The following PCDH11X variants were observed in gnomAD, a reference collection of about 807,000 sequenced individuals.
PCDH11X encodes the protein protocadherin 11 X-linked, also known as protocadherin-11 X-linked.
A neutral mutation model predicts 53.3 loss-of-function variants in PCDH11X; 18 were observed. The observed-to-expected ratio is 0.34, with a 90% CI of 0.23 to 0.50. The LOEUF is 0.50. PCDH11X is among the 20% of genes least tolerant of loss of function. PCDH11X has a pLI of 0.98. For synonymous variants in PCDH11X, 279 were observed against 393.3 expected, an observed-to-expected ratio of 0.71 and a Z score of 3.44; for missense variants, 570 against 1,032.4, an observed-to-expected ratio of 0.55 and a Z score of 6.14.
intron 9 of PCDH11X, among the ~76,000 whole-genome samples, chrX:92,466,103 G>T (rs1015392266): frequency 3.6e-5 from 4 of 110,939 alleles, no homozygotes; most frequent in African/African-American, 1.3e-4. Context: ...TGTGAGATAT[G>T]TTCATCTTCC....
chrX:92,137,673 G>C (rs2065104923), intron 6 of PCDH11X, among the ~76,000 whole-genome samples: 1 of 109,737 alleles, frequency 9.1e-6, no homozygotes, highest in Non-Finnish European at 1.9e-5. Context: ...CACCATACCT[G>C]TTAAAAGTCA....
At chrX:92,037,900 GTT>G (rs796494289) in intron 6 of PCDH11X, among the ~76,000 whole-genome samples, 3,419 of 88,542 alleles carry the variant, frequency 0.039, 168 homozygotes, top group African/African-American at 0.13. Context: ...TTATTTGTGG[GTT>G]TTTTTTTTTT....
intron 7 of PCDH11X, among the ~76,000 whole-genome samples, chrX:92,234,455 C>T (rs2067135539): frequency 8.9e-6 from 1 of 111,811 alleles, no homozygotes; most frequent in African/African-American, 3.2e-5. Context: ...ACTTTTGAAA[C>T]CAGACATATC....
chrX:92,108,952 C>A (rs192346884), intron 6 of PCDH11X, among the ~76,000 whole-genome samples: 3 of 111,741 alleles, frequency 2.7e-5, no homozygotes, highest in Admixed American at 9.6e-5. Context: ...TAGACAGAGA[C>A]GATTTATTAA....
At chrX:92,406,946 A>AT (rs1288704896) in intron 9 of PCDH11X, among the ~76,000 whole-genome samples, 1 of 100,528 alleles carries the variant, frequency 9.9e-6, no homozygotes, top group East Asian at 3.3e-4. Context: ...AAAAAAAAAA[A>AT]AAAGGAAAAA....
intron 6 of PCDH11X, among the ~76,000 whole-genome samples, chrX:92,006,002 T>G (rs974100534): frequency 2.7e-5 from 3 of 112,097 alleles, no homozygotes; most frequent in Non-Finnish European, 5.6e-5. Context: ...GTATGACATG[T>G]GTTGCTTTTC....
chrX:92,470,267 T>G (rs1212886251), intron 10 of PCDH11X, among the ~76,000 whole-genome samples: 2 of 99,320 alleles, frequency 2.0e-5, no homozygotes, highest in Middle Eastern at 5.1e-3. Context: ...GTTTTCTTTT[T>G]CTGATATGTT....
chrX:92,099,956 C>T (rs2064209117), intron 6 of PCDH11X, among the ~76,000 whole-genome samples: 2 of 110,819 alleles, frequency 1.8e-5, no homozygotes, highest in African/African-American at 6.6e-5. Context: ...TGGCTGCACT[C>T]CATATATTAA....
intron 6 of PCDH11X, among the ~76,000 whole-genome samples, chrX:92,076,260 A>G (rs1218615860): frequency 2.8e-5 from 3 of 108,298 alleles, no homozygotes; most frequent in Non-Finnish European, 5.7e-5. Context: ...TTTTACTTGA[A>G]TTCTTTTTAT....
rs762256183 is a variant in PCDH11X, at chrX:92,541,478, C to T, written c.3367+73156C>T. Among the ~76,000 whole-genome samples the T allele has an allele frequency of 9.2e-3, 1,027 of 111,209 alleles. 9 individuals carry two copies. The highest frequency in any genetic ancestry group is 0.032 in the African/African-American group (977 of 30,671). On this transcript the variant is annotated intron_variant, in intron 10 of 10. Transcript: ENST00000682573. Reference sequence around the variant, plus strand: ...GTTTCTCCTATCCTTTTTAATGCCTCTTTCAGTGATATGAATTTAAACCAT... The same window carrying T: ...GTTTCTCCTATCCTTTTTAATGCCTTTTTCAGTGATATGAATTTAAACCAT...
chrX:92,162,195 T>C (rs1318734013), intron 6 of PCDH11X, among the ~76,000 whole-genome samples: 1 of 104,458 alleles, frequency 9.6e-6, no homozygotes, highest in African/African-American at 3.5e-5. Context: ...GTTTAGATTT[T>C]TTTTTTTTTT....
At chrX:92,103,787 G>C (rs2064314862) in intron 6 of PCDH11X, among the ~76,000 whole-genome samples, 1 of 112,128 alleles carries the variant, frequency 8.9e-6, no homozygotes, top group African/African-American at 3.2e-5. Context: ...GATGTGGCTG[G>C]GGTTTGTCTC....
At chrX:92,412,393 G>C (rs772366616) in intron 9 of PCDH11X, among the ~76,000 whole-genome samples, 1 of 106,488 alleles carries the variant, frequency 9.4e-6, no homozygotes, top group African/African-American at 3.4e-5. Flanking sequence ...GTATGATGTA[G>C]TTGCCCAATT....
chrX:92,165,881 A>G (rs761056538), intron 6 of PCDH11X, among the ~76,000 whole-genome samples: 1 of 111,391 alleles, frequency 9.0e-6, no homozygotes, highest in Admixed American at 9.7e-5. Context: ...TTATGGGACT[A>G]TTACTAGATA....
chrX:91,828,043 G>A lies in PCDH11X; in HGVS notation c.-44-7418G>A, dbSNP rs190339872. Among the ~76,000 whole-genome samples the A allele has an allele frequency of 3.5e-3, 381 of 109,729 alleles. 2 individuals carry two copies. Among genetic ancestry groups the A allele is most frequent in the Middle Eastern group, 0.014 (3 of 210 alleles). On this transcript the variant is annotated intron_variant, in intron 4 of 10. Coordinates refer to ENST00000682573, the MANE Select transcript of PCDH11X (RefSeq NM_032968.5). ...GTTTTGGGTAGTATCCCATTTTAAT[G>A]GTATTTATTCTTTCTATCCATGAAG... is the stretch of plus-strand genomic sequence containing the variant.
At chrX:92,528,022 A>T (rs1445544042) in intron 10 of PCDH11X, among the ~76,000 whole-genome samples, 7 of 111,894 alleles carry the variant, frequency 6.3e-5, no homozygotes, top group Admixed American at 5.7e-4. Context: ...GAATTATTAG[A>T]ACTACTTCTA....
At chrX:91,893,817 C>A (rs1215842572) in intron 6 of PCDH11X, among the ~76,000 whole-genome samples, 5 of 110,711 alleles carry the variant, frequency 4.5e-5, no homozygotes, top group Non-Finnish European at 9.4e-5. Context: ...ACTACATATC[C>A]CTACTCAAAA....
At chrX:92,321,194 G>GT (rs1413774808) in intron 8 of PCDH11X, among the ~76,000 whole-genome samples, 1,197 of 76,897 alleles carry the variant, frequency 0.016, 15 homozygotes, top group East Asian at 0.026. Context: ...GTTTTTTTTT[G>GT]TTTTTTTTTT....
intron 8 of PCDH11X, among the ~76,000 whole-genome samples, chrX:92,352,949 T>A (rs757688652): frequency 9.1e-6 from 1 of 109,767 alleles, no homozygotes; most frequent in Non-Finnish European, 1.9e-5. Context: ...CTGAAGTAGT[T>A]CTTGGAACAA....
Sources: gnomAD v4.1 joint callset for allele counts (sites outside exome capture counted in the v4.1 genomes callset) on GRCh38, gnomAD v4.1.1 for gene constraint, MANE v1.5 for transcripts, NCBI Gene and HGNC (gene_info 2026-07-23, HGNC 2026-07-21) for gene names.